The following FMN1 variants were observed in gnomAD, a reference collection of about 807,000 sequenced individuals.
The protein encoded by FMN1 is formin-1.
Under a neutral mutation model 132.4 loss-of-function variants are expected in FMN1, and 110 were observed. That is an observed-to-expected ratio of 0.83 (90% CI 0.71 to 0.97). The LOEUF (loss-of-function observed/expected upper bound fraction) is 0.97. Ranked by LOEUF, FMN1 falls within the 50% of genes least tolerant of loss-of-function variation. The pLI is 0.00. For missense variants in FMN1, 1,792 were observed against 1,705.3 expected, an observed-to-expected ratio of 1.05 and a Z score of -0.90; for synonymous variants, 722 against 651.7, an observed-to-expected ratio of 1.11 and a Z score of -1.64.
intron 6 of FMN1, among the ~76,000 whole-genome samples, chr15:33,018,200 T>A (rs1000339114): frequency 1.3e-5 from 2 of 152,206 alleles, no homozygotes; most frequent in Admixed American, 1.3e-4. Flanking sequence ...TGTGTGATAC[T>A]GCAAAATATG....
At chr15:32,914,151 G>T (rs2060627397) in intron 10 of FMN1, among the ~76,000 whole-genome samples, 1 of 152,186 alleles carries the variant, frequency 6.6e-6, no homozygotes, top group South Asian at 2.1e-4. Context: ...ATTAGGGAAT[G>T]AATAAGGAAA....
In FMN1 at chr15:32,845,480, A is replaced by T. The variant is rs982453219; in HGVS notation, c.3928+11535T>A. Reference sequence around the variant, plus strand: ...CTTTTCTCCTTTAGATGATGAAACAAATATGCTTATTTCTATTTACCCCTA... The same window carrying T: ...CTTTTCTCCTTTAGATGATGAAACATATATGCTTATTTCTATTTACCCCTA... On this transcript the variant is annotated intron_variant, in intron 17 of 20. Coordinates refer to ENST00000616417, the MANE Select transcript of FMN1 (RefSeq NM_001277313.2). 2.6e-4 allele frequency among the ~76,000 whole-genome samples: 40 copies of T among 152,164 alleles called. 1 individual carries two copies. The highest frequency in any genetic ancestry group is 8.8e-5 in the Non-Finnish European group (6 of 68,016).
chr15:33,126,263 C>G (rs1304964816), intron 4 of FMN1, among the ~76,000 whole-genome samples: 1 of 152,098 alleles, frequency 6.6e-6, no homozygotes, highest in South Asian at 2.1e-4. Flanking sequence ...GTGGAAAGAT[C>G]AAGGAAACAC....
intron 4 of FMN1, among the ~76,000 whole-genome samples, chr15:33,110,195 GATT>G (rs1251444630): frequency 6.6e-6 from 1 of 152,010 alleles, no homozygotes; most frequent in Non-Finnish European, 1.5e-5. Flanking sequence ...ATACCTGTCA[GATT>G]ATTAGGACAC....
intron 15 of FMN1, among the ~76,000 whole-genome samples, chr15:32,895,162 G>C (rs2060123489): frequency 6.6e-6 from 1 of 152,070 alleles, no homozygotes; most frequent in South Asian, 2.1e-4. Flanking sequence ...CGTATTTCTA[G>C]GGCTGTTGAT....
In FMN1 at chr15:32,977,863, CT is replaced by C. The variant is rs773212104; in HGVS notation, c.2224-8387del. Among the ~76,000 whole-genome samples the C allele has an allele frequency of 3.6e-3, 517 of 142,500 alleles. 3 individuals are homozygous for C. Among genetic ancestry groups the C allele is most frequent in the African/African-American group, 7.7e-3 (299 of 39,072 alleles). 93.5% of individuals were successfully genotyped at this position (142,500 alleles called of 152,430 possible). On this transcript the variant is annotated intron_variant, in intron 7 of 20. Coordinates refer to ENST00000616417, the MANE Select transcript of FMN1 (RefSeq NM_001277313.2). ...AGTATGCAATTTAGATACAATTATT[CT>C]TTTTTTTTTTTTTTCTGAGACAGAG...
chr15:33,052,159 G>T (rs1429907424), intron 6 of FMN1, among the ~76,000 whole-genome samples: 1 of 152,100 alleles, frequency 6.6e-6, no homozygotes, highest in Non-Finnish European at 1.5e-5. Context: ...ATTCTCCAAG[G>T]TTCCTTCCAG....
intron 5 of FMN1, among the ~76,000 whole-genome samples, chr15:33,071,731 C>G (rs2038007650): frequency 6.6e-6 from 1 of 152,246 alleles, no homozygotes; most frequent in Non-Finnish European, 1.5e-5. Flanking sequence ...TTTCAAGCCA[C>G]TGGTTCTCAT....
chr15:33,038,747 T>C (rs558003703), intron 6 of FMN1, among the ~76,000 whole-genome samples: 7 of 152,338 alleles, frequency 4.6e-5, no homozygotes, highest in Middle Eastern at 3.4e-3. Flanking sequence ...CAAAGTATCA[T>C]AGACTCATTT....
intron 17 of FMN1, among the ~76,000 whole-genome samples, chr15:32,827,446 A>G (rs1027974963): frequency 2.6e-5 from 4 of 152,256 alleles, no homozygotes; most frequent in African/African-American, 9.6e-5. Flanking sequence ...GATGAAAATC[A>G]TAACATATAA....
At chr15:33,185,018 A>G (rs1196421832) in intron 2 of FMN1, among the ~76,000 whole-genome samples, 1 of 152,190 alleles carries the variant, frequency 6.6e-6, no homozygotes, top group Non-Finnish European at 1.5e-5. Flanking sequence ...AAGCTTCACG[A>G]TACCAGACTA....
chr15:33,011,688 G>C (rs185175681), intron 6 of FMN1, among the ~76,000 whole-genome samples: 1 of 152,030 alleles, frequency 6.6e-6, no homozygotes, highest in Non-Finnish European at 1.5e-5. Flanking sequence ...CAGAGTGGGA[G>C]AATATACTTG....
intron 4 of FMN1, among the ~76,000 whole-genome samples, chr15:33,100,614 T>C (rs140173725): frequency 6.6e-6 from 1 of 152,144 alleles, no homozygotes; most frequent in Non-Finnish European, 1.5e-5. Flanking sequence ...ATATTTACTA[T>C]TTGGTTTTAC....
At chr15:32,874,851 T>C (rs1386343094) in intron 16 of FMN1, among the ~76,000 whole-genome samples, 1 of 152,214 alleles carries the variant, frequency 6.6e-6, no homozygotes, top group Non-Finnish European at 1.5e-5. Flanking sequence ...AGTTTTTTCT[T>C]TGATACCCGG....
chr15:32,792,062 CAG>C (rs1327125972), intron 19 of FMN1, among the ~76,000 whole-genome samples: 1 of 151,940 alleles, frequency 6.6e-6, no homozygotes, highest in Non-Finnish European at 1.5e-5. Flanking sequence ...ACAGAAGAAA[CAG>C]AGGAACTAAG....
rs915161079 is a variant in FMN1, at chr15:32,772,834, G to C, written c.*1476C>G. ...ATTCCTGAGGGGCTGCTGGCTGGCA[G>C]GCATATCCTGGGAAGATGCTCAGGC... On this transcript the variant is annotated 3_prime_UTR_variant, in exon 21 of 21. Transcript: ENST00000616417. The C allele has an allele frequency of 1.3e-5, 2 of 152,420 alleles. No individual in the cohort carries two copies. The highest frequency in any genetic ancestry group is 4.8e-5 in the African/African-American group (2 of 41,444). 9.4% of individuals were successfully genotyped at this position (152,420 alleles called of 1,614,324 possible).
In FMN1 at chr15:32,788,213, A is replaced by G. The variant is rs572983185; in HGVS notation, c.4130+10591T>C. ...AGTTAAAGCCAATCACTCTGCACTTAGTAGACATAACACCCAGAGCCGACC... is the reference window on the plus strand; with the variant it reads ...AGTTAAAGCCAATCACTCTGCACTTGGTAGACATAACACCCAGAGCCGACC... On this transcript the variant is annotated intron_variant, in intron 19 of 20. Coordinates refer to ENST00000616417, the MANE Select transcript of FMN1 (RefSeq NM_001277313.2). Among the ~76,000 whole-genome samples, 9 of 152,392 alleles carry G rather than the reference A, an allele frequency of 5.9e-5. No individual in the cohort carries two copies. In the East Asian group the frequency reaches 1.7e-3, roughly 29 times the overall value.
At chr15:33,055,722 C>G (rs11856898) in intron 6 of FMN1, among the ~76,000 whole-genome samples, 47,733 of 151,694 alleles carry the variant, frequency 0.31, 7,594 homozygotes, top group Non-Finnish European at 0.33. Flanking sequence ...TCATGATTGG[C>G]TTAGAAAAAT....
chr15:32,825,351 T>C (rs2058337688), intron 17 of FMN1, among the ~76,000 whole-genome samples: 1 of 152,240 alleles, frequency 6.6e-6, no homozygotes, highest in African/African-American at 2.4e-5. Context: ...TGGTCTGCCC[T>C]AGTTCTAGTT....
Sources: allele counts gnomAD v4.1 joint callset (sites outside exome capture counted in the v4.1 genomes callset), GRCh38; gene constraint gnomAD v4.1.1; transcripts MANE v1.5; gene names NCBI Gene and HGNC (gene_info 2026-07-23, HGNC 2026-07-21).